The following PCDHGA2 variants were observed in gnomAD, a reference collection of about 807,000 sequenced individuals.
PCDHGA2 encodes protocadherin gamma subfamily A, 2, also known as protocadherin gamma-A2.
Under a neutral mutation model 59.2 loss-of-function variants are expected in PCDHGA2, and 40 were observed. The observed-to-expected ratio is 0.68, with a 90% CI of 0.52 to 0.88. The LOEUF is 0.88. PCDHGA2 is among the 40% of genes least tolerant of loss of function. PCDHGA2 has a pLI of 0.00. For synonymous variants in PCDHGA2, 560 were observed against 526.0 expected, an observed-to-expected ratio of 1.06 and a Z score of -0.89; for missense variants, 1,226 against 1,204.0, an observed-to-expected ratio of 1.02 and a Z score of -0.27.
At chr5:141,405,357 A>G in intron 1 of PCDHGA2, 1 of 1,613,846 alleles carries the variant, frequency 6.2e-7, no homozygotes, top group Non-Finnish European at 8.5e-7. Flanking sequence ...TTTCCTATAG[A>G]AGACACCCCT....
chr5:141,441,155 T>A (rs2098229690), intron 1 of PCDHGA2: 1 of 152,230 alleles, frequency 6.6e-6, no homozygotes, highest in East Asian at 1.9e-4. Flanking sequence ...GACAATATCC[T>A]AGAGGCGATT....
In PCDHGA2 at chr5:141,344,057, A is replaced by T. The variant is rs1407517095; in HGVS notation, c.2424+2662A>T. 3.2e-6 allele frequency: 5 copies of T among 1,560,120 alleles called. No individual in the cohort carries two copies. The East Asian group carries it at 1.1e-4, about 36-fold the overall frequency. On this transcript the variant is annotated intron_variant, in intron 1 of 3. Transcript: ENST00000394576. ...AAATGACCAATTGCCTGAGTTTCCG[A>T]AATGGCAGAGGACTGGCCCTGCTGT...
At chr5:141,402,272 G>A (rs934353221) in intron 1 of PCDHGA2, among the ~76,000 whole-genome samples, 7 of 151,874 alleles carry the variant, frequency 4.6e-5, no homozygotes, top group African/African-American at 1.2e-4. Context: ...TAATTTCAAA[G>A]TGGATAATCT....
chr5:141,427,205 C>T lies in PCDHGA2; in HGVS notation c.2425-67602C>T, dbSNP rs73280903. 3.4e-3 allele frequency: 1,562 copies of T among 456,606 alleles called. 21 individuals carry two copies. Among genetic ancestry groups the T allele is most frequent in the African/African-American group, 0.028 (1,422 of 50,136 alleles). 28.3% of individuals were successfully genotyped at this position (456,606 alleles called of 1,614,324 possible). Reference sequence around the variant, plus strand: ...TTAAATCCAAAGACTTAATAGACTTCGAATTTCGTAGCAGTTATACCATGA... The same window carrying T: ...TTAAATCCAAAGACTTAATAGACTTTGAATTTCGTAGCAGTTATACCATGA... On this transcript the variant is annotated intron_variant, in intron 1 of 3. Transcript: ENST00000394576.
chr5:141,371,540 C>A, intron 1 of PCDHGA2: 1 of 1,613,728 alleles, frequency 6.2e-7, no homozygotes, highest in Non-Finnish European at 8.5e-7. Flanking sequence ...ATGGAGAAAT[C>A]CTATGCCAAC....
chr5:141,345,097 C>T lies in PCDHGA2; in HGVS notation c.2424+3702C>T, dbSNP rs756253365. 9.3e-6 allele frequency: 15 copies of T among 1,613,984 alleles called. No individual in the cohort carries two copies. Among genetic ancestry groups the T allele is most frequent in the Non-Finnish European group, 1.3e-5 (15 of 1,179,896 alleles). Reference sequence around the variant, plus strand: ...ATTACAATCACGTCTCTCACAAGCTCAGTCCCAGAAGAGGGCACCGTTGGA... The same window carrying T: ...ATTACAATCACGTCTCTCACAAGCTTAGTCCCAGAAGAGGGCACCGTTGGA... On this transcript the variant is annotated intron_variant, in intron 1 of 3. Transcript: ENST00000394576.
chr5:141,509,638 A>G (rs1204228233), intron 3 of PCDHGA2, among the ~76,000 whole-genome samples: 1 of 152,174 alleles, frequency 6.6e-6, no homozygotes, highest in Admixed American at 6.5e-5. Flanking sequence ...ATGCTGAGCC[A>G]GGGCCAGAGT....
intron 1 of PCDHGA2, among the ~76,000 whole-genome samples, chr5:141,454,796 ATTTTTTTTT>A (rs61612330): frequency 1.2e-4 from 9 of 77,408 alleles, no homozygotes; most frequent in Admixed American, 5.4e-4. Context: ...CATGGTTCTA[ATTTTTTTTT>A]TTTTTTTTTT....
At chr5:141,419,053 T>C in intron 1 of PCDHGA2, 1 of 1,613,954 alleles carries the variant, frequency 6.2e-7, no homozygotes, top group South Asian at 1.1e-5. Context: ...ATTCTTCTTC[T>C]AATAATTACT....
chr5:141,432,960 G>C lies in PCDHGA2; in HGVS notation c.2425-61847G>C. ...CAGGCTTCAGGAGGCGGCTTGACAG[G>C]AGCGCCGGCGTCGCACTTTGTGGGC... On this transcript the variant is annotated intron_variant, in intron 1 of 3. Transcript: ENST00000394576. This position sits in a 1 kb window ranked among gnomAD's most constrained non-coding sequence, Gnocchi z 6.0. The C allele has an allele frequency of 2.5e-6, 4 of 1,614,188 alleles. No homozygotes were observed. The highest frequency in any genetic ancestry group is 3.4e-6 in the Non-Finnish European group (4 of 1,180,034).
chr5:141,353,671 A>T (rs1759350441), intron 1 of PCDHGA2, among the ~76,000 whole-genome samples: 1 of 152,202 alleles, frequency 6.6e-6, no homozygotes, highest in African/African-American at 2.4e-5. Flanking sequence ...TGTAATGAAC[A>T]TTTGGGTTTA....
intron 1 of PCDHGA2, chr5:141,410,268 A>C: frequency 6.2e-7 from 1 of 1,613,994 alleles, no homozygotes. Context: ...GCTGAACTGC[A>C]GTTTTACCTG....
At chr5:141,364,587 C>T in intron 1 of PCDHGA2, 3 of 1,614,204 alleles carry the variant, frequency 1.9e-6, no homozygotes, top group Non-Finnish European at 2.5e-6. Flanking sequence ...AGCTTGGTCA[C>T]CGCGGGCAGG....
intron 1 of PCDHGA2, chr5:141,395,077 A>T: frequency 6.2e-7 from 1 of 1,614,142 alleles, no homozygotes; most frequent in Non-Finnish European, 8.5e-7. Flanking sequence ...ACCTATTCCC[A>T]GGAAGTCTCC....
chr5:141,432,539 G>A lies in PCDHGA2; in HGVS notation c.2425-62268G>A. 2.5e-6 allele frequency: 4 copies of A among 1,614,038 alleles called. No individual in the cohort carries two copies. Among genetic ancestry groups the A allele is most frequent in the Non-Finnish European group, 3.4e-6 (4 of 1,180,022 alleles). ...CTACCTGGTGACCAAGGTGGTGGCG[G>A]TGGACAGAGACTCCGGCCAGAACGC... On this transcript the variant is annotated intron_variant, in intron 1 of 3. Transcript: ENST00000394576. The surrounding 1 kb of genome is among the most constrained non-coding windows in gnomAD (Gnocchi z 6.0).
At chr5:141,362,323 G>C (rs745573123) in intron 1 of PCDHGA2, 1 of 1,614,082 alleles carries the variant, frequency 6.2e-7, no homozygotes, top group East Asian at 2.2e-5. Flanking sequence ...TTTTCAGCCT[G>C]GTCTCAGCTC....
intron 1 of PCDHGA2, chr5:141,403,277 C>G (rs2094385466): frequency 6.2e-7 from 1 of 1,613,750 alleles, no homozygotes; most frequent in Admixed American, 1.7e-5. Context: ...CTTTAAAGTC[C>G]TGGTTGAAGA....
At chr5:141,502,363 T>C (rs1216939790) in intron 2 of PCDHGA2, among the ~76,000 whole-genome samples, 2 of 152,100 alleles carry the variant, frequency 1.3e-5, no homozygotes, top group African/African-American at 4.8e-5. Context: ...ATGGATATTT[T>C]TAAAGAGTCC....
In PCDHGA2 at chr5:141,399,858, T is replaced by G. The variant is rs1003401029; in HGVS notation, c.2424+58463T>G. On this transcript the variant is annotated intron_variant, in intron 1 of 3. Transcript: ENST00000394576. The stretch of plus-strand genomic sequence containing the variant: ...CGCTCTTCGATATGGTGCCGCGCGC[T>G]GCAGAGCCCGGCTACCTGGTGACCA... The G allele has an allele frequency of 3.7e-6, 6 of 1,612,764 alleles. No individual in the cohort carries two copies. In the African/African-American group the frequency reaches 6.7e-5, roughly 18 times the overall value.
Sources: gnomAD v4.1 joint callset for allele counts (sites outside exome capture counted in the v4.1 genomes callset) on GRCh38, gnomAD v4.1.1 for gene constraint, Gnocchi (gnomAD v3.1) non-coding constraint, MANE v1.5 for transcripts, NCBI Gene and HGNC (gene_info 2026-07-23, HGNC 2026-07-21) for gene names.